JAZF1: variants seen among roughly 807,000 people sequenced by gnomAD.
JAZF1 encodes JAZF zinc finger 1.
In JAZF1, 8 loss-of-function variants were observed where a neutral mutation model predicts 26.4. That is an observed-to-expected ratio of 0.30 (90% CI 0.18 to 0.55). The LOEUF (loss-of-function observed/expected upper bound fraction) is 0.55. Ranked by LOEUF, JAZF1 falls within the 20% of genes least tolerant of loss-of-function variation. The probability of loss-of-function intolerance (pLI) is 0.94; values close to 1 mark genes in which losing one functional copy is unlikely to be tolerated. For missense variants in JAZF1, 199 were observed against 322.0 expected (o/e 0.62, Z 2.92); for synonymous variants, 126 against 122.3 (o/e 1.03, Z -0.20).
chr7:28,180,135 G>A (rs1163681218), intron 1 of JAZF1, among the ~76,000 whole-genome samples: 2 of 139,472 alleles, frequency 1.4e-5, no homozygotes, highest in Non-Finnish European at 3.1e-5. Context: ...CCGGCACTCG[G>A]CCCCGCCGCC....
At chr7:27,970,853 G>A (rs1010775752) in intron 2 of JAZF1, among the ~76,000 whole-genome samples, 1 of 152,172 alleles carries the variant, frequency 6.6e-6, no homozygotes, top group Admixed American at 6.5e-5. Flanking sequence ...ACTAGTTTTA[G>A]TTAATTCCAA....
chr7:27,860,044 T>C (rs1783350315), intron 3 of JAZF1, among the ~76,000 whole-genome samples: 1 of 152,206 alleles, frequency 6.6e-6, no homozygotes, highest in African/African-American at 2.4e-5. Flanking sequence ...GTCACACATT[T>C]ATTTCTTAAT....
intron 1 of JAZF1, among the ~76,000 whole-genome samples, chr7:28,044,310 A>G (rs1334976552): frequency 6.6e-6 from 1 of 152,104 alleles, no homozygotes; most frequent in Non-Finnish European, 1.5e-5. Context: ...CCAGCTTGCT[A>G]TGAACCTTGA....
chr7:27,870,942 G>A (rs6952302), intron 3 of JAZF1, among the ~76,000 whole-genome samples: 2,808 of 152,286 alleles, frequency 0.018, 78 homozygotes, highest in African/African-American at 0.06. Context: ...AAACTCCAGA[G>A]TAGTTAGCAA....
chr7:27,946,032 T>C (rs67716336), intron 2 of JAZF1, among the ~76,000 whole-genome samples: 31,360 of 152,182 alleles, frequency 0.21, 3,681 homozygotes, highest in South Asian at 0.27. Context: ...TCCTCTACTA[T>C]AAAATAGGGT....
At chr7:28,123,270 A>G (rs1352224605) in intron 1 of JAZF1, among the ~76,000 whole-genome samples, 1 of 151,968 alleles carries the variant, frequency 6.6e-6, no homozygotes, top group Non-Finnish European at 1.5e-5. Context: ...TCACCCCTTC[A>G]TCGAAGTAAG....
chr7:28,000,096 T>C (rs1786107957), intron 1 of JAZF1, among the ~76,000 whole-genome samples: 2 of 152,300 alleles, frequency 1.3e-5, no homozygotes, highest in South Asian at 2.1e-4. Context: ...GAGAGGTCTG[T>C]GGATACTGTA....
chr7:28,138,264 G>A (rs1386150806), intron 1 of JAZF1, among the ~76,000 whole-genome samples: 5 of 152,192 alleles, frequency 3.3e-5, no homozygotes, highest in Admixed American at 2.6e-4. Flanking sequence ...CACAAGCTCC[G>A]AACAGAGCCA....
At chr7:28,075,327 G>A (rs1784034035) in intron 1 of JAZF1, among the ~76,000 whole-genome samples, 1 of 151,998 alleles carries the variant, frequency 6.6e-6, no homozygotes. Flanking sequence ...ACTCCTCCTG[G>A]ACCACAGAAG....
chr7:28,109,221 A>C (rs1364385043), intron 1 of JAZF1, among the ~76,000 whole-genome samples: 1 of 152,240 alleles, frequency 6.6e-6, no homozygotes, highest in African/African-American at 2.4e-5. Context: ...TTTTCACCAC[A>C]CACACAAAGA....
intron 2 of JAZF1, among the ~76,000 whole-genome samples, chr7:27,959,237 G>A (rs1207353989): frequency 1.3e-5 from 2 of 152,174 alleles, no homozygotes; most frequent in Non-Finnish European, 2.9e-5. Flanking sequence ...AGGGTTCCCT[G>A]AACAAATCTC....
At chr7:27,971,812 C>T (rs547630977) in intron 2 of JAZF1, among the ~76,000 whole-genome samples, 10 of 152,170 alleles carry the variant, frequency 6.6e-5, no homozygotes, top group African/African-American at 7.2e-5. Context: ...GTGTTTAATT[C>T]GCCACTTTAT....
intron 1 of JAZF1, among the ~76,000 whole-genome samples, chr7:28,049,105 C>A (rs1783549174): frequency 7.3e-6 from 1 of 136,088 alleles, no homozygotes; most frequent in Non-Finnish European, 1.6e-5. Context: ...CTTTCTTTGA[C>A]AGATTCTTTC....
At chr7:27,959,029 G>C (rs1164654259) in intron 2 of JAZF1, among the ~76,000 whole-genome samples, 1 of 152,176 alleles carries the variant, frequency 6.6e-6, no homozygotes, top group Non-Finnish European at 1.5e-5. Context: ...TAATGTTAAT[G>C]GCAGCAATCA....
intron 1 of JAZF1, among the ~76,000 whole-genome samples, chr7:28,027,208 T>C (rs1289334305): frequency 1.3e-5 from 2 of 152,164 alleles, no homozygotes; most frequent in Non-Finnish European, 2.9e-5. Context: ...CACAAGTGGC[T>C]CACTTGGGGA....
chr7:27,929,975 CCTCCCTCT>C (rs1275986887), intron 2 of JAZF1, among the ~76,000 whole-genome samples: 15 of 139,864 alleles, frequency 1.1e-4, no homozygotes, highest in African/African-American at 2.6e-4. Flanking sequence ...TCTCTCCCTC[CCTCCCTCT>C]CTCTCTCTCT....
rs1350363911 is a variant in JAZF1 at position 27,832,501 on chromosome 7, T to C, written c.*299A>G. The C allele has an allele frequency of 3.5e-5, 9 of 258,806 alleles. No homozygotes were observed. Among genetic ancestry groups the C allele is most frequent in the Non-Finnish European group, 5.2e-5 (7 of 134,550 alleles). 16.0% of individuals were successfully genotyped at this position (258,806 alleles called of 1,614,324 possible). ...ACCACCGCAATACAATTCAACAATA[T>C]GCAACATGCCCTCAATTTTATTTTG... On this transcript the variant is annotated 3_prime_UTR_variant, in exon 5 of 5. Coordinates refer to ENST00000283928, the MANE Select transcript of JAZF1 (RefSeq NM_175061.4).
chr7:28,010,434 T>A (rs1406924209), intron 1 of JAZF1, among the ~76,000 whole-genome samples: 1 of 152,164 alleles, frequency 6.6e-6, no homozygotes, highest in Admixed American at 6.5e-5. Context: ...CAACATCTCT[T>A]ACCCTGCCAC....
intron 2 of JAZF1, among the ~76,000 whole-genome samples, chr7:27,896,423 C>T (rs1438695813): frequency 2.0e-5 from 3 of 152,166 alleles, no homozygotes; most frequent in Admixed American, 1.3e-4. Context: ...TGTATGATAG[C>T]GTTCAGATGA....
Sources: gnomAD v4.1 joint callset for allele counts (sites outside exome capture counted in the v4.1 genomes callset) on GRCh38, gnomAD v4.1.1 for gene constraint, MANE v1.5 for transcripts, NCBI Gene and HGNC (gene_info 2026-07-23, HGNC 2026-07-21) for gene names.